The following CHDH variants were observed in gnomAD, a reference collection of about 807,000 sequenced individuals.
The protein encoded by CHDH is choline dehydrogenase.
CHDH carries 43 observed loss-of-function variants against 56.9 expected under a neutral mutation model. The ratio of observed to expected loss-of-function variants is 0.76; its 90% CI spans 0.59 to 0.97. The LOEUF (loss-of-function observed/expected upper bound fraction) is 0.97, where lower values mean the gene tolerates loss of function less well. CHDH is among the 50% of genes least tolerant of loss of function. The pLI is 0.00. For synonymous variants in CHDH, 364 were observed against 348.5 expected (o/e 1.04, Z -0.50); for missense variants, 816 against 821.1 (o/e 0.99, Z 0.08).
chr3:53,812,702 T>C lies in CHDH; in HGVS notation c.*5075A>G, dbSNP rs2095605938. 1 of 152,262 alleles carries C rather than the reference T, an allele frequency of 6.6e-6. No homozygotes were observed. Among genetic ancestry groups the C allele is most frequent in the Non-Finnish European group, 1.5e-5 (1 of 68,064 alleles). 9.4% of individuals were successfully genotyped at this position (152,262 alleles called of 1,614,324 possible). A position where few individuals can be genotyped will look rare whatever the true frequency, so the allele number is the denominator to read the frequency against. On this transcript the variant is annotated 3_prime_UTR_variant, in exon 9 of 9. Transcript: ENST00000315251. ...CCCAGGGTGTTTTTTGCATCGCTGG[T>C]GCAGAAATGCATAGGTGGATGAGAT...
Position 53,813,381 on chromosome 3 carries a change from A to G in CHDH, c.*4396T>C, listed in dbSNP as rs14165. ...TCATTTGCCAGTGAGAGCCTCCGAC[A>G]GGGCAGGTACTGTGCCAGGGCAGCT... On this transcript the variant is annotated 3_prime_UTR_variant, in exon 9 of 9. Transcript: ENST00000315251. 117,555 of 152,212 alleles carry G rather than the reference A, an allele frequency of 0.77. 46,137 individuals carry two copies. Among genetic ancestry groups the G allele is most frequent in the East Asian group, 1 (5,171 of 5,184 alleles). The allele number at this position is 152,212 out of a possible 1,614,324, so 9.4% of individuals were successfully genotyped here.
At chr3:53,826,271 G>A (rs2095638867) in intron 2 of CHDH, among the ~76,000 whole-genome samples, 2 of 151,300 alleles carry the variant, frequency 1.3e-5, no homozygotes, top group African/African-American at 4.9e-5. Flanking sequence ...CATTCTGTGA[G>A]GCTAACATCA....
chr3:53,825,290 T>TAGTC (rs1419970788), intron 2 of CHDH, among the ~76,000 whole-genome samples: 4 of 152,214 alleles, frequency 2.6e-5, no homozygotes, highest in African/African-American at 9.6e-5. Flanking sequence ...AGAGATAAAG[T>TAGTC]AGTCAACAGA....
chr3:53,825,702 A>T (rs550765560), intron 2 of CHDH, among the ~76,000 whole-genome samples: 14 of 152,202 alleles, frequency 9.2e-5, no homozygotes, highest in Non-Finnish European at 2.1e-4. Flanking sequence ...AACGTAGTGC[A>T]AGACAAAACA....
At chr3:53,835,870 A>G (rs978989175) in intron 2 of CHDH, among the ~76,000 whole-genome samples, 1 of 152,152 alleles carries the variant, frequency 6.6e-6, no homozygotes, top group Non-Finnish European at 1.5e-5. Flanking sequence ...GAGGGAAACG[A>G]GCCTGAAGAG....
At position 53,819,790 on chromosome 3, in the gene CHDH, C is replaced by T. The variant is rs973867424; in HGVS notation, c.1121-116G>A. ...CTCCTCTTCCTTTTCCCGGACTCCACTCTAGTGCCTGGACCCAAGTCCTGT... is the reference window on the plus strand; with the variant it reads ...CTCCTCTTCCTTTTCCCGGACTCCATTCTAGTGCCTGGACCCAAGTCCTGT... On this transcript the variant is annotated intron_variant, in intron 6 of 8. Coordinates refer to ENST00000315251, the MANE Select transcript of CHDH (RefSeq NM_018397.5). This position sits in a 1 kb window ranked among gnomAD's most constrained non-coding sequence, Gnocchi z 5.4. The T allele has an allele frequency of 3.1e-6, 4 of 1,278,108 alleles. No homozygotes were observed. Among genetic ancestry groups the T allele is most frequent in the Non-Finnish European group, 4.2e-6 (4 of 946,112 alleles). 79.2% of individuals were successfully genotyped at this position (1,278,108 alleles called of 1,614,324 possible). A position where few individuals can be genotyped will look rare whatever the true frequency, so the allele number is the denominator to read the frequency against.
intron 2 of CHDH, among the ~76,000 whole-genome samples, chr3:53,830,420 A>C (rs1307508569): frequency 6.6e-5 from 10 of 151,150 alleles, no homozygotes; most frequent in South Asian, 2.1e-4. Context: ...ATATATATAT[A>C]TCTTCACATA....
intron 1 of CHDH, among the ~76,000 whole-genome samples, chr3:53,843,596 G>A (rs1052499039): frequency 2.6e-5 from 4 of 152,136 alleles, no homozygotes; most frequent in African/African-American, 9.7e-5. Flanking sequence ...GCTCCCCTGG[G>A]TGGGCAGGCT....
intron 5 of CHDH, 25 bp downstream of exon 5, chr3:53,821,622 G>A (rs763907297): frequency 6.2e-7 from 1 of 1,607,692 alleles, no homozygotes; most frequent in Non-Finnish European, 8.5e-7. Context: ...ACAGCCTCTG[G>A]GGAGCAGTAA....
Position 53,819,179 on chromosome 3 carries a change from T to A in CHDH, c.1264-139A>T. 3 of 645,220 alleles carry A rather than the reference T, an allele frequency of 4.6e-6. No individual in the cohort carries two copies. Among genetic ancestry groups the A allele is most frequent in the Non-Finnish European group, 8.1e-6 (3 of 369,658 alleles). 40.0% of individuals were successfully genotyped at this position (645,220 alleles called of 1,614,324 possible). ...AGATGCATGTTAGCATTTGCCCGCA[T>A]GGTACCCACCTCCACGAGTGATTAC... On this transcript the variant is annotated intron_variant, in intron 7 of 8. Coordinates refer to ENST00000315251, the MANE Select transcript of CHDH (RefSeq NM_018397.5). This position sits in a 1 kb window ranked among gnomAD's most constrained non-coding sequence, Gnocchi z 5.4.
intron 2 of CHDH, among the ~76,000 whole-genome samples, chr3:53,838,261 A>G (rs1698566286): frequency 6.6e-6 from 1 of 152,112 alleles, no homozygotes; most frequent in South Asian, 2.1e-4. Flanking sequence ...GGTAGGAGGC[A>G]GGGTACAACA....
intron 2 of CHDH, among the ~76,000 whole-genome samples, chr3:53,833,538 G>A (rs1225294446): frequency 2.0e-5 from 3 of 152,202 alleles, no homozygotes; most frequent in Admixed American, 1.3e-4. Context: ...GGAGCTGCCT[G>A]GCATTGGCAG....
At position 53,823,780 on chromosome 3, in the gene CHDH, C is replaced by A; in HGVS notation, c.229G>T (p.Val77Leu). 6.4e-7 allele frequency: 1 copy of A among 1,571,810 alleles called. No homozygotes were observed. The highest frequency in any genetic ancestry group is 1.8e-5 in the Admixed American group (1 of 54,648). Residue 77 changes from valine to leucine, a missense_variant, in exon 3 of 9, where the codon GTG (valine) becomes TTG (leucine). Physicochemically the swap from Val to Leu is conservative, Grantham distance 32. Transcript: ENST00000315251. ...VLLLEAGPKDVLAGSKRLSWK... is the reference protein window; with the variant it reads ...VLLLEAGPKDLLAGSKRLSWK... ...GAGAGCCGCTTGCTCCCCGCGAGCA[C>A]GTCCTTGGGCCCGGCCTCCAGCAGC... is the stretch of plus-strand genomic sequence containing the variant.
In CHDH at chr3:53,818,067, C is replaced by CT; in HGVS notation, c.1494dup (p.Asp499ArgfsTer19). The CT allele has an allele frequency of 6.2e-7, 1 of 1,614,208 alleles. No individual in the cohort carries two copies. The highest frequency in any genetic ancestry group is 1.3e-5 in the African/African-American group (1 of 75,058). On this transcript the variant is annotated frameshift_variant, in exon 9 of 9. Transcript: ENST00000315251. LOFTEE classifies it high-confidence loss of function. ...TCGGCTTTTGCCCGCACAAAGGCAT[C>CT]TATCTCTTTATCTGACTGAATGTGG...
At chr3:53,824,375 A>G (rs2095635077) in intron 2 of CHDH, among the ~76,000 whole-genome samples, 1 of 152,252 alleles carries the variant, frequency 6.6e-6, no homozygotes, top group African/African-American at 2.4e-5. Context: ...GCAGGGGGGC[A>G]AAGGGCTTTC....
Position 53,815,396 on chromosome 3 carries a change from C to T in CHDH, c.*2381G>A, listed in dbSNP as rs1310274709. On this transcript the variant is annotated 3_prime_UTR_variant, in exon 9 of 9. Coordinates refer to ENST00000315251, the MANE Select transcript of CHDH (RefSeq NM_018397.5). The stretch of plus-strand genomic sequence containing the variant: ...CATGCTGGCTTCCTCAGGTGACAGC[C>T]TCTCCTCCTGGGGTGAATGAAAGAC... The T allele has an allele frequency of 1.3e-5, 2 of 152,248 alleles. No homozygotes were observed. Among genetic ancestry groups the T allele is most frequent in the Non-Finnish European group, 2.9e-5 (2 of 68,064 alleles). The allele number at this position is 152,248 out of a possible 1,614,324, so 9.4% of individuals were successfully genotyped here. A position where few individuals can be genotyped will look rare whatever the true frequency, so the allele number is the denominator to read the frequency against.
At chr3:53,837,451 AC>A (rs1343210873) in intron 2 of CHDH, among the ~76,000 whole-genome samples, 1 of 152,148 alleles carries the variant, frequency 6.6e-6, no homozygotes, top group Non-Finnish European at 1.5e-5. Flanking sequence ...TGCCAACAAA[AC>A]CCGAGGTGGA....
intron 2 of CHDH, among the ~76,000 whole-genome samples, chr3:53,837,783 C>T (rs531034934): frequency 2.0e-5 from 3 of 152,180 alleles, no homozygotes; most frequent in East Asian, 1.9e-4. Flanking sequence ...GGAGGCCGGG[C>T]GCGGTGGCTC....
At chr3:53,820,021 G>A (rs1480532811) in intron 6 of CHDH, among the ~76,000 whole-genome samples, 1 of 152,224 alleles carries the variant, frequency 6.6e-6, no homozygotes, top group Non-Finnish European at 1.5e-5. Context: ...TGAGTGGATG[G>A]GTAGGATTTT....
Sources: allele counts gnomAD v4.1 joint callset (sites outside exome capture counted in the v4.1 genomes callset), GRCh38; gene constraint gnomAD v4.1.1; non-coding constraint Gnocchi (gnomAD v3.1); transcripts MANE v1.5; gene names NCBI Gene and HGNC (gene_info 2026-07-23, HGNC 2026-07-21).